TUB: variants seen among roughly 807,000 people sequenced by gnomAD.
TUB encodes TUB bipartite transcription factor, also known as tubby protein homolog.
A neutral mutation model predicts 59.7 loss-of-function variants in TUB; 33 were observed. That is an observed-to-expected ratio of 0.55 (90% CI 0.42 to 0.74). The LOEUF (loss-of-function observed/expected upper bound fraction) is 0.74. TUB is among the 30% of genes least tolerant of loss of function. The probability of loss-of-function intolerance (pLI) is 0.00; values close to 1 mark genes in which losing one functional copy is unlikely to be tolerated. For missense variants in TUB, 659 were observed against 672.0 expected (o/e 0.98, Z 0.21); for synonymous variants, 293 against 256.4 (o/e 1.14, Z -1.36).
intron 1 of TUB, chr11:8,039,622 T>G (rs1942709829): frequency 3.4e-6 from 5 of 1,466,636 alleles, no homozygotes; most frequent in African/African-American, 2.8e-5. Flanking sequence ...ATGTGGAGAG[T>G]CACCCCTTCT....
chr11:8,103,085 CT>C lies in TUB; in HGVS notation c.*1467del, dbSNP rs1944374156. The C allele has an allele frequency of 6.6e-6, 1 of 152,238 alleles. No homozygotes were observed. The highest frequency in any genetic ancestry group is 6.5e-5 in the Admixed American group (1 of 15,286). 9.4% of individuals were successfully genotyped at this position (152,238 alleles called of 1,614,324 possible). On this transcript the variant is annotated 3_prime_UTR_variant, in exon 12 of 12. Coordinates refer to ENST00000299506, the MANE Select transcript of TUB (RefSeq NM_177972.3). ...TCCAGGATTGGCCTGTGTCTGGCCC[CT>C]CCGCGAGGGCTACTCAGCAGTAAGC...
chr11:8,062,185 G>A (rs1943141661), intron 2 of TUB: 1 of 152,782 alleles, frequency 6.5e-6, no homozygotes, highest in East Asian at 1.9e-4. Context: ...CTGGGCCTGG[G>A]GAGGGTCGCT....
At chr11:8,042,363 TTATC>T (rs1281919580) in intron 2 of TUB, among the ~76,000 whole-genome samples, 4 of 152,346 alleles carry the variant, frequency 2.6e-5, no homozygotes, top group African/African-American at 9.6e-5. Context: ...CACATTTTCT[TTATC>T]TATTCATCAA....
intron 1 of TUB, among the ~76,000 whole-genome samples, chr11:8,085,045 C>T (rs1279212872): frequency 6.6e-6 from 1 of 152,148 alleles, no homozygotes; most frequent in East Asian, 1.9e-4. Flanking sequence ...CCCACCACTT[C>T]CTTTGTTTTG....
intron 1 of TUB, among the ~76,000 whole-genome samples, chr11:8,033,477 C>T (rs35870707): frequency 6.6e-6 from 1 of 152,238 alleles, no homozygotes; most frequent in Non-Finnish European, 1.5e-5. Flanking sequence ...GCTTGATTAG[C>T]TTTGCCTGCC....
chr11:8,091,636 CTG>C (rs562339384), intron 3 of TUB, among the ~76,000 whole-genome samples: 5 of 152,144 alleles, frequency 3.3e-5, no homozygotes, highest in East Asian at 3.9e-4. Flanking sequence ...GCTAATTCCC[CTG>C]TGTGTGTGTC....
In TUB at chr11:8,090,149, G is replaced by A. The variant is rs763043997; in HGVS notation, c.171G>A (p.Arg57=). The A allele has an allele frequency of 2.5e-6, 4 of 1,613,622 alleles. No homozygotes were observed. The South Asian group carries it at 3.3e-5, about 13-fold the overall frequency. ...AGGCCAATGCAGATGGGCGGCCCCGGAGCCGGCGGGCCCGGCAGTCAGAGG... is the reference window on the plus strand; with the variant it reads ...AGGCCAATGCAGATGGGCGGCCCCGAAGCCGGCGGGCCCGGCAGTCAGAGG... ...MVQANADGRP[R]SRRARQSEEQ... Residue 57 remains arginine (R), a synonymous_variant, in exon 3 of 12, where the codon CGG becomes CGA. Coordinates refer to ENST00000299506, the MANE Select transcript of TUB (RefSeq NM_177972.3).
At chr11:8,045,044 A>T (rs1230333033) in intron 2 of TUB, among the ~76,000 whole-genome samples, 1 of 152,166 alleles carries the variant, frequency 6.6e-6, no homozygotes, top group Non-Finnish European at 1.5e-5. Context: ...GGTACAACTG[A>T]TTAAATCATT....
Position 8,081,293 on chromosome 11 carries a change from C to A in TUB, c.-218C>A. 1.1e-6 allele frequency: 1 copy of A among 870,062 alleles called. No homozygotes were observed. Among genetic ancestry groups the A allele is most frequent in the Non-Finnish European group, 1.4e-6 (1 of 724,724 alleles). The allele number at this position is 870,062 out of a possible 1,614,324, so 53.9% of individuals were successfully genotyped here. A position where few individuals can be genotyped will look rare whatever the true frequency, so the allele number is the denominator to read the frequency against. ...CGCGCGCGCACGACCCGCGCACTCC[C>A]GGAGCTTCGCCCATCTCGCCTCGCC... On this transcript the variant is annotated 5_prime_UTR_variant, in exon 1 of 12. Transcript: ENST00000299506.
chr11:8,050,390 G>T lies in TUB; in HGVS notation c.203+10698G>T, dbSNP rs532723404. On this transcript the variant is annotated intron_variant, in intron 2 of 12. Transcript: ENST00000305253. ...AATCTTATGTTCCATTCTAGTGGAT[G>T]CTGCCAAAGTTTTCCAGAATTGTTG... is the stretch of plus-strand genomic sequence containing the variant. Among the ~76,000 whole-genome samples, 42 of 152,316 alleles carry T rather than the reference G, an allele frequency of 2.8e-4. No individual in the cohort carries two copies. In the South Asian group the frequency reaches 8.5e-3, roughly 31 times the overall value.
intron 2 of TUB, among the ~76,000 whole-genome samples, chr11:8,074,162 T>C (rs779738548): frequency 1.4e-4 from 22 of 151,924 alleles, no homozygotes; most frequent in Non-Finnish European, 2.8e-4. Context: ...TCTCTTAACA[T>C]TGGGGGTGGG....
rs759185224 is a variant in TUB at position 8,090,243 on chromosome 11, C to G, written c.253+12C>G. On this transcript the variant is annotated intron_variant, in intron 3 of 11. Transcript: ENST00000299506. ...CACCAGCTACCAAGGTATACCTTGC[C>G]TGCTGCCCCACATCCCGTCACTGCT... 6.2e-7 allele frequency: 1 copy of G among 1,612,286 alleles called. No homozygotes were observed. The highest frequency in any genetic ancestry group is 8.5e-7 in the Non-Finnish European group (1 of 1,179,286).
chr11:8,091,340 T>C (rs1191179148), intron 3 of TUB, among the ~76,000 whole-genome samples: 1 of 152,204 alleles, frequency 6.6e-6, no homozygotes, highest in East Asian at 1.9e-4. Flanking sequence ...TGTGCATGTG[T>C]ACCCTCCGAG....
chr11:8,028,033 A>T (rs1942523519), intron 1 of TUB, among the ~76,000 whole-genome samples: 1 of 152,214 alleles, frequency 6.6e-6, no homozygotes, highest in African/African-American at 2.4e-5. Flanking sequence ...TTCTACAAAG[A>T]CTGCACCATT....
At position 8,039,312 on chromosome 11, in the gene TUB, C is replaced by T. The variant is rs189084541; in HGVS notation, c.155+284C>T. 2.1e-3 allele frequency among the ~76,000 whole-genome samples: 322 copies of T among 152,312 alleles called. 2 individuals are homozygous for T. Among genetic ancestry groups the T allele is most frequent in the African/African-American group, 7.6e-3 (316 of 41,574 alleles). On this transcript the variant is annotated intron_variant, in intron 1 of 12. Transcript: ENST00000305253. ...TCTCCCCCAGCCTCCAGGGCTCCGG[C>T]AGCTCCACACTCCGGCCCTCTGCCT...
chr11:8,039,747 G>T (rs1942713686), intron 2 of TUB: 3 of 1,417,476 alleles, frequency 2.1e-6, no homozygotes, highest in Admixed American at 5.6e-5. Flanking sequence ...AACCACAGGA[G>T]ACTGTGAGGG....
chr11:8,101,388 G>A (rs1197411840), intron 11 of TUB, 98 bp from the exon 12 acceptor site: 3 of 1,467,022 alleles, frequency 2.0e-6, no homozygotes, highest in Admixed American at 1.7e-5. Context: ...CTTCTCACTT[G>A]TTCTTCCCTC....
chr11:8,051,962 A>G (rs528961862), intron 2 of TUB, among the ~76,000 whole-genome samples: 1 of 152,338 alleles, frequency 6.6e-6, no homozygotes, highest in East Asian at 1.9e-4. Context: ...TTGAAAGGCC[A>G]TCTTTATTGT....
chr11:8,073,272 G>C (rs1298072925), intron 2 of TUB, among the ~76,000 whole-genome samples: 1 of 152,206 alleles, frequency 6.6e-6, no homozygotes, highest in African/African-American at 2.4e-5. Context: ...CAAAAGGGAA[G>C]GGCCATGGAG....
Sources: allele counts gnomAD v4.1 joint callset (sites outside exome capture counted in the v4.1 genomes callset), GRCh38; gene constraint gnomAD v4.1.1; transcripts MANE v1.5; gene names NCBI Gene and HGNC (gene_info 2026-07-23, HGNC 2026-07-21).